Variants in RALGAPA1 observed in about 807,000 individuals in gnomAD.
RALGAPA1 encodes Ral GTPase activating protein catalytic subunit alpha 1, also known as ral GTPase-activating protein subunit alpha-1.
Under a neutral mutation model 269.6 loss-of-function variants are expected in RALGAPA1, and 52 were observed. That is an observed-to-expected ratio of 0.19 (90% CI 0.15 to 0.24). RALGAPA1 has a LOEUF of 0.24. Ranked by LOEUF, RALGAPA1 falls within the 10% of genes least tolerant of loss-of-function variation. The pLI is 1.00. For missense variants in RALGAPA1, 1,917 were observed against 3,013.9 expected, an observed-to-expected ratio of 0.64 and a Z score of 8.52; for synonymous variants, 817 against 1,008.3, an observed-to-expected ratio of 0.81 and a Z score of 3.60.
chr14:35,757,259 T>C (rs2073265075), intron 6 of RALGAPA1, among the ~76,000 whole-genome samples: 1 of 151,904 alleles, frequency 6.6e-6, no homozygotes, highest in African/African-American at 2.4e-5. Flanking sequence ...GTAGCTGGGA[T>C]TACAGGCTCC....
At chr14:35,749,176 A>C (rs2072439003) in intron 9 of RALGAPA1, among the ~76,000 whole-genome samples, 2 of 152,210 alleles carry the variant, frequency 1.3e-5, no homozygotes, top group Non-Finnish European at 2.9e-5. Flanking sequence ...TTCAAGAATA[A>C]GTAAATAACT....
chr14:35,711,543 G>T (rs1385489415), intron 16 of RALGAPA1, among the ~76,000 whole-genome samples: 3 of 152,164 alleles, frequency 2.0e-5, no homozygotes, highest in Non-Finnish European at 1.5e-5. Context: ...AACTTCCTGG[G>T]CTCAAGAGAT....
intron 39 of RALGAPA1, among the ~76,000 whole-genome samples, chr14:35,568,732 G>C (rs546690185): frequency 9.9e-4 from 151 of 152,172 alleles, no homozygotes; most frequent in Non-Finnish European, 1.8e-3. Flanking sequence ...TTCTTGAATA[G>C]TTCCTCCTAA....
chr14:35,664,556 A>G, intron 27 of RALGAPA1, 86 bp downstream of exon 27: 1 of 1,120,062 alleles, frequency 8.9e-7, no homozygotes, highest in Admixed American at 2.7e-5. Context: ...GATTTCAAAA[A>G]GAAAAGAAAG....
intron 14 of RALGAPA1, among the ~76,000 whole-genome samples, chr14:35,724,685 C>T (rs1237025927): frequency 6.6e-6 from 1 of 152,160 alleles, no homozygotes; most frequent in Non-Finnish European, 1.5e-5. Flanking sequence ...GCAGTCAGGT[C>T]ATTATCCCTA....
At chr14:35,587,213 T>A (rs1231044209) in intron 37 of RALGAPA1, among the ~76,000 whole-genome samples, 1 of 152,192 alleles carries the variant, frequency 6.6e-6, no homozygotes, top group Non-Finnish European at 1.5e-5. Flanking sequence ...GTCCAGGAAT[T>A]TATCCATTTC....
chr14:35,632,401 T>G (rs2061411454), intron 33 of RALGAPA1, among the ~76,000 whole-genome samples: 1 of 152,180 alleles, frequency 6.6e-6, no homozygotes, highest in Non-Finnish European at 1.5e-5. Context: ...GATTGTCAGA[T>G]TAAACAAATC....
chr14:35,689,330 A>T lies in RALGAPA1; in HGVS notation c.3081T>A (p.Ser1027Arg). The T allele has an allele frequency of 8.1e-7, 1 of 1,232,174 alleles. No homozygotes were observed. The highest frequency in any genetic ancestry group is 4.2e-5 in the Admixed American group (1 of 23,722). 76.3% of individuals were successfully genotyped at this position (1,232,174 alleles called of 1,614,324 possible). A position where few individuals can be genotyped will look rare whatever the true frequency, so the allele number is the denominator to read the frequency against. ...TTTCAGAAGTTTGTGTTCTAAAAAAACTGTCTGACTGGTTAGGTGCGATAT... is the reference window on the plus strand; with the variant it reads ...TTTCAGAAGTTTGTGTTCTAAAAAATCTGTCTGACTGGTTAGGTGCGATAT... ...MSNIAPNQSD[S>R]FFRTQTSEKS... is the part of the protein sequence containing the mutation. Residue 1027 changes from serine (S) to arginine (R), a missense_variant, in exon 18 of 42, where the codon AGT becomes AGA. Coordinates refer to ENST00000680220, the MANE Select transcript of RALGAPA1 (RefSeq NM_001346249.2).
At chr14:35,781,267 C>G (rs2075408395) in intron 1 of RALGAPA1, among the ~76,000 whole-genome samples, 2 of 151,930 alleles carry the variant, frequency 1.3e-5, no homozygotes, top group Non-Finnish European at 2.9e-5. Context: ...ATGAAATGAA[C>G]AAATTACTAG....
rs558564276 is a variant in RALGAPA1 at position 35,674,862 on chromosome 14, C to A, written c.4625-153G>T. Among the ~76,000 whole-genome samples the A allele has an allele frequency of 3.3e-5, 5 of 151,932 alleles. No homozygotes were observed. In the South Asian group the frequency reaches 1.0e-3, roughly 32 times the overall value. ...TATTTTTTCCCGATAAGGTCAAAAC[C>A]TCACTTATTATTATGAGATAATAAT... On this transcript the variant is annotated intron_variant, in intron 22 of 41. Transcript: ENST00000680220.
chr14:35,612,705 A>AT (rs1566822219), intron 35 of RALGAPA1, among the ~76,000 whole-genome samples: 1 of 151,798 alleles, frequency 6.6e-6, no homozygotes. Context: ...CGCCCCGCTA[A>AT]TTTTTTGTAT....
intron 31 of RALGAPA1, among the ~76,000 whole-genome samples, chr14:35,650,480 G>A (rs2062751068): frequency 1.3e-5 from 2 of 152,070 alleles, no homozygotes; most frequent in Non-Finnish European, 2.9e-5. Flanking sequence ...TATTTATCAA[G>A]AGCTAAACAA....
chr14:35,791,205 C>T (rs928847569), intron 1 of RALGAPA1, among the ~76,000 whole-genome samples: 10 of 152,312 alleles, frequency 6.6e-5, no homozygotes, highest in African/African-American at 2.2e-4. Context: ...CTTCTTCAGG[C>T]ATGGGAGAAT....
chr14:35,600,225 TTTTTTTC>T (rs909566571), intron 36 of RALGAPA1, among the ~76,000 whole-genome samples: 1 of 118,934 alleles, frequency 8.4e-6, no homozygotes, highest in Non-Finnish European at 1.6e-5. Flanking sequence ...TTTCTTTTTC[TTTTTTTC>T]TTTTTTTTTT....
chr14:35,716,605 T>C (rs1384291438), intron 16 of RALGAPA1, among the ~76,000 whole-genome samples: 1 of 152,058 alleles, frequency 6.6e-6, no homozygotes, highest in East Asian at 1.9e-4. Flanking sequence ...ATTCAATCCA[T>C]ATTCAAAGTT....
At chr14:35,626,859 A>C (rs1441003746) in intron 34 of RALGAPA1, among the ~76,000 whole-genome samples, 1 of 152,096 alleles carries the variant, frequency 6.6e-6, no homozygotes, top group African/African-American at 2.4e-5. Flanking sequence ...TTCTAAGTCA[A>C]ATAGTTCCAG....
chr14:35,682,623 G>C (rs1486258169), intron 21 of RALGAPA1, among the ~76,000 whole-genome samples: 1 of 151,970 alleles, frequency 6.6e-6, no homozygotes, highest in East Asian at 1.9e-4. Context: ...TTTTTAACTT[G>C]AACAATTTCA....
intron 7 of RALGAPA1, among the ~76,000 whole-genome samples, chr14:35,753,368 T>C (rs1372651447): frequency 6.6e-6 from 1 of 152,162 alleles, no homozygotes; most frequent in Admixed American, 6.6e-5. Context: ...CTACAGTATG[T>C]AGCCAACTCT....
chr14:35,713,465 T>C (rs1595271545), intron 16 of RALGAPA1, among the ~76,000 whole-genome samples: 1 of 152,216 alleles, frequency 6.6e-6, no homozygotes, highest in Non-Finnish European at 1.5e-5. Context: ...ATTAGTGTCT[T>C]CTTAAACTCA....
Sources: allele counts gnomAD v4.1 joint callset (sites outside exome capture counted in the v4.1 genomes callset), GRCh38; gene constraint gnomAD v4.1.1; transcripts MANE v1.5; gene names NCBI Gene and HGNC (gene_info 2026-07-23, HGNC 2026-07-21).